Variants in RAPGEF6 observed in about 807,000 individuals in gnomAD.
RAPGEF6 encodes the protein PDZ domain containing guanine nucleotide exchange factor (GEF) 2.
Under a neutral mutation model 171.4 loss-of-function variants are expected in RAPGEF6, and 56 were observed. The observed-to-expected ratio is 0.33, with a 90% CI of 0.26 to 0.41. RAPGEF6 has a LOEUF of 0.41. Ranked by LOEUF, RAPGEF6 falls within the 10% of genes least tolerant of loss-of-function variation. The pLI, the probability that RAPGEF6 is intolerant of heterozygous loss-of-function variation, is 1.00. For missense variants in RAPGEF6, 1,674 were observed against 1,921.4 expected, an observed-to-expected ratio of 0.87 and a Z score of 2.41; for synonymous variants, 692 against 650.1, an observed-to-expected ratio of 1.06 and a Z score of -0.98.
At position 131,506,710 on chromosome 5, in the gene RAPGEF6, G is replaced by A. The variant is rs528403190; in HGVS notation, c.943-1188C>T. On this transcript the variant is annotated intron_variant, in intron 9 of 27. Transcript: ENST00000509018. ...CTGGCTTTTTCACCACTATATCCCC[G>A]TATCTAGAACAGTACCTGGCACAAA... Among the ~76,000 whole-genome samples, 14 of 152,040 alleles carry A rather than the reference G, an allele frequency of 9.2e-5. No individual in the cohort carries two copies. The East Asian group carries it at 1.2e-3, about 13-fold the overall frequency.
intron 11 of RAPGEF6, among the ~76,000 whole-genome samples, chr5:131,500,946 G>A (rs1172877241): frequency 6.6e-6 from 1 of 152,084 alleles, no homozygotes; most frequent in Non-Finnish European, 1.5e-5. Context: ...TGCTTTCTGT[G>A]TGATTATGTG....
At position 131,489,671 on chromosome 5, in the gene RAPGEF6, A is replaced by G; in HGVS notation, c.1732-17T>C. 7.2e-7 allele frequency: 1 copy of G among 1,384,632 alleles called. No homozygotes were observed. The highest frequency in any genetic ancestry group is 1.0e-6 in the Non-Finnish European group (1 of 998,024). The allele number at this position is 1,384,632 out of a possible 1,614,324, so 85.8% of individuals were successfully genotyped here. On this transcript the variant is annotated splice_polypyrimidine_tract_variant and intron_variant, in intron 14 of 27. Coordinates refer to ENST00000509018, the MANE Select transcript of RAPGEF6 (RefSeq NM_016340.6). ...TTCCATAATCTTAAAAGTATTTAAA[A>G]AATACAAATTAATACAGAACAGTAT...
chr5:131,454,560 T>C (rs920241615), intron 20 of RAPGEF6, among the ~76,000 whole-genome samples: 1 of 151,670 alleles, frequency 6.6e-6, no homozygotes, highest in Non-Finnish European at 1.5e-5. Flanking sequence ...AAAAGAACAT[T>C]AAACTAAAAA....
At chr5:131,464,446 T>C in intron 17 of RAPGEF6, 165 bp from the exon 18 acceptor site, 1 of 457,304 alleles carries the variant, frequency 2.2e-6, no homozygotes, top group Non-Finnish European at 3.8e-6. Flanking sequence ...AATATATCCT[T>C]TTTTTTTTTT....
intron 6 of RAPGEF6, among the ~76,000 whole-genome samples, chr5:131,527,303 C>A (rs1455235638): frequency 7.9e-5 from 12 of 151,428 alleles, no homozygotes; most frequent in East Asian, 5.8e-4. Context: ...ACAACAACAA[C>A]AAAAAAAAAC....
At chr5:131,535,581 C>T (rs1391077580) in intron 6 of RAPGEF6, among the ~76,000 whole-genome samples, 1 of 152,110 alleles carries the variant, frequency 6.6e-6, no homozygotes, top group Non-Finnish European at 1.5e-5. Flanking sequence ...ATGATGCTAA[C>T]CCTTATTAAT....
intron 15 of RAPGEF6, among the ~76,000 whole-genome samples, chr5:131,487,400 C>A (rs1036437609): frequency 6.6e-6 from 1 of 152,228 alleles, no homozygotes; most frequent in African/African-American, 2.4e-5. Flanking sequence ...CCACATCCTG[C>A]TGATTGGTCC....
At chr5:131,434,142 A>G (rs1751881108) in intron 24 of RAPGEF6, among the ~76,000 whole-genome samples, 1 of 152,224 alleles carries the variant, frequency 6.6e-6, no homozygotes, top group East Asian at 1.9e-4. Flanking sequence ...GACTCAAGGG[A>G]AAGAACTACA....
intron 15 of RAPGEF6, among the ~76,000 whole-genome samples, chr5:131,482,457 T>G (rs1755552878): frequency 6.6e-6 from 1 of 152,202 alleles, no homozygotes; most frequent in Admixed American, 6.5e-5. Flanking sequence ...CATGTGCTAC[T>G]GCACCCAGCT....
chr5:131,427,832 G>T (rs1751464857), intron 27 of RAPGEF6, among the ~76,000 whole-genome samples: 1 of 152,186 alleles, frequency 6.6e-6, no homozygotes, highest in Non-Finnish European at 1.5e-5. Flanking sequence ...TCAGTGCGGG[G>T]TACAGTGGCT....
intron 5 of RAPGEF6, among the ~76,000 whole-genome samples, chr5:131,552,138 A>C (rs1384123609): frequency 1.3e-5 from 2 of 152,036 alleles, no homozygotes; most frequent in Non-Finnish European, 2.9e-5. Flanking sequence ...ATGAAACAAG[A>C]GACTCTACCA....
At chr5:131,471,751 A>G (rs1034773332) in intron 17 of RAPGEF6, among the ~76,000 whole-genome samples, 3 of 151,478 alleles carry the variant, frequency 2.0e-5, no homozygotes, top group African/African-American at 7.3e-5. Flanking sequence ...CAAAAAAAAA[A>G]TAACTTGACA....
chr5:131,475,934 T>A (rs897475291), intron 16 of RAPGEF6, among the ~76,000 whole-genome samples: 4 of 152,106 alleles, frequency 2.6e-5, no homozygotes, highest in African/African-American at 7.2e-5. Flanking sequence ...TCCAAAGAGG[T>A]CTGGCACACA....
chr5:131,543,340 TTAAA>T (rs1205094963), intron 6 of RAPGEF6, among the ~76,000 whole-genome samples: 2 of 152,110 alleles, frequency 1.3e-5, no homozygotes, highest in African/African-American at 4.8e-5. Context: ...GATAAAGAAA[TTAAA>T]TAATACTTTT....
At chr5:131,547,139 C>T (rs911597612) in intron 6 of RAPGEF6, among the ~76,000 whole-genome samples, 8 of 152,130 alleles carry the variant, frequency 5.3e-5, no homozygotes, top group Admixed American at 1.3e-4. Context: ...ATTAGAGCTG[C>T]CTTAATTCTA....
At chr5:131,434,207 T>C (rs902357016) in intron 24 of RAPGEF6, among the ~76,000 whole-genome samples, 1 of 152,234 alleles carries the variant, frequency 6.6e-6, no homozygotes, top group Non-Finnish European at 1.5e-5. Context: ...ATATCCCACC[T>C]AAGAAGTCTT....
intron 6 of RAPGEF6, among the ~76,000 whole-genome samples, chr5:131,539,862 A>C (rs1368324156): frequency 2.0e-5 from 3 of 152,220 alleles, no homozygotes; most frequent in Admixed American, 6.5e-5. Context: ...TACATTAGTA[A>C]TGTGTGAGCC....
intron 5 of RAPGEF6, among the ~76,000 whole-genome samples, chr5:131,550,523 G>T (rs1465798595): frequency 6.6e-6 from 1 of 152,196 alleles, no homozygotes; most frequent in African/African-American, 2.4e-5. Flanking sequence ...GTGAATTCAA[G>T]AATAAGTAGC....
intron 1 of RAPGEF6, among the ~76,000 whole-genome samples, chr5:131,623,108 C>G (rs1341236696): frequency 6.6e-6 from 1 of 152,160 alleles, no homozygotes; most frequent in Non-Finnish European, 1.5e-5. Flanking sequence ...TAGGCAATTA[C>G]GTTAACACCT....
Sources: gnomAD v4.1 joint callset for allele counts (sites outside exome capture counted in the v4.1 genomes callset) on GRCh38, gnomAD v4.1.1 for gene constraint, MANE v1.5 for transcripts, NCBI Gene and HGNC (gene_info 2026-07-23, HGNC 2026-07-21) for gene names.